Variants in NRCAM observed in about 807,000 individuals in gnomAD.
NRCAM encodes neuronal cell adhesion molecule, also known as NgCAM-related cell adhesion molecule.
A neutral mutation model predicts 156.5 loss-of-function variants in NRCAM; 83 were observed. That is an observed-to-expected ratio of 0.53 (90% CI 0.44 to 0.64). The LOEUF is 0.64. Among genes scored for constraint, NRCAM ranks in the 30% least tolerant of loss-of-function variants. The pLI, the probability that NRCAM is intolerant of heterozygous loss-of-function variation, is 0.00. For synonymous variants in NRCAM, 538 were observed against 563.9 expected, an observed-to-expected ratio of 0.95 and a Z score of 0.65; for missense variants, 1,417 against 1,597.3, an observed-to-expected ratio of 0.89 and a Z score of 1.92.
chr7:108,418,883 A>G (rs1175364572), intron 1 of NRCAM, among the ~76,000 whole-genome samples: 1 of 152,216 alleles, frequency 6.6e-6, no homozygotes, highest in Non-Finnish European at 1.5e-5. Context: ...ATCATGCCAC[A>G]TAAATATTCT....
At chr7:108,206,488 G>T (rs2081223427) in intron 13 of NRCAM, among the ~76,000 whole-genome samples, 1 of 152,136 alleles carries the variant, frequency 6.6e-6, no homozygotes, top group Non-Finnish European at 1.5e-5. Context: ...GTGAACCTAA[G>T]GCTGGGTTTG....
chr7:108,313,513 C>T (rs1347292577), intron 2 of NRCAM, among the ~76,000 whole-genome samples: 1 of 152,268 alleles, frequency 6.6e-6, no homozygotes, highest in East Asian at 1.9e-4. Flanking sequence ...AGTGTCAATT[C>T]AGGAACTCTG....
chr7:108,294,193 G>GTTT lies in NRCAM; in HGVS notation c.-107+18469_-107+18471dup, dbSNP rs56717039. On this transcript the variant is annotated intron_variant, in intron 3 of 32. Transcript: ENST00000379028. ...GGAAAAGCCAGCACTTTCTTTACTG[G>GTTT]TTTTTTTTTTTTTTTTTTTTTTTTT... 3.4e-3 allele frequency among the ~76,000 whole-genome samples: 300 copies of GTTT among 87,956 alleles called. 18 individuals are homozygous for GTTT. The East Asian group carries it at 0.07, about 20-fold the overall frequency. The allele number at this position is 87,956 out of a possible 152,430, so 57.7% of individuals were successfully genotyped here. A position where few individuals can be genotyped will look rare whatever the true frequency, so the allele number is the denominator to read the frequency against.
intron 3 of NRCAM, among the ~76,000 whole-genome samples, chr7:108,241,715 A>C (rs367629112): frequency 3.3e-5 from 5 of 152,116 alleles, no homozygotes; most frequent in East Asian, 3.8e-4. Context: ...GAAAGAAAAG[A>C]CTTTACAATC....
chr7:108,224,785 C>G (rs55643449), intron 10 of NRCAM, among the ~76,000 whole-genome samples: 37,087 of 151,862 alleles, frequency 0.24, 4,750 homozygotes, highest in Non-Finnish European at 0.28. Context: ...GAGATTGTAG[C>G]GGGGAAACTT....
intron 2 of NRCAM, among the ~76,000 whole-genome samples, chr7:108,386,331 T>C (rs2099740810): frequency 6.6e-6 from 1 of 152,174 alleles, no homozygotes; most frequent in Non-Finnish European, 1.5e-5. Context: ...CCTTTTATCT[T>C]CCAACACTGA....
Position 108,414,874 on chromosome 7 carries a change from AAGG to A in NRCAM, c.-331-15284_-331-15282del, listed in dbSNP as rs1799596741. Among the ~76,000 whole-genome samples the A allele has an allele frequency of 2.0e-5, 3 of 152,204 alleles. No individual in the cohort carries two copies. In the South Asian group the frequency reaches 6.2e-4, roughly 32 times the overall value. ...GCACAACCACAACAGTGGGCGTGGTAAGGAGAAGCAGGGAGAGCCTGAAGGACA... is the reference window on the plus strand; with the variant it reads ...GCACAACCACAACAGTGGGCGTGGTAAGAAGCAGGGAGAGCCTGAAGGACA... On this transcript the variant is annotated intron_variant, in intron 1 of 32. Coordinates refer to ENST00000379028, the MANE Select transcript of NRCAM (RefSeq NM_001037132.4).
chr7:108,398,831 C>A (rs1251202648), intron 2 of NRCAM, among the ~76,000 whole-genome samples: 1 of 152,112 alleles, frequency 6.6e-6, no homozygotes. Flanking sequence ...GCAGATATTC[C>A]TTGAAGGCAA....
At position 108,237,751 on chromosome 7, in the gene NRCAM, C is replaced by A. The variant is rs774313502; in HGVS notation, c.124+1G>T. ...CTAGTAATTTATAGAAGGACACTTA[C>A]AGTCTTCAAGAAGTTTTGCTTTTTC... On this transcript the variant is annotated splice_donor_variant, in intron 5 of 32. Coordinates refer to ENST00000379028, the MANE Select transcript of NRCAM (RefSeq NM_001037132.4). LOFTEE classifies it high-confidence loss of function. 1.9e-6 allele frequency: 3 copies of A among 1,592,558 alleles called. No individual in the cohort carries two copies. Among genetic ancestry groups the A allele is most frequent in the Non-Finnish European group, 2.6e-6 (3 of 1,170,496 alleles).
intron 3 of NRCAM, among the ~76,000 whole-genome samples, chr7:108,250,830 A>C (rs1397670717): frequency 6.6e-6 from 1 of 152,208 alleles, no homozygotes; most frequent in Non-Finnish European, 1.5e-5. Flanking sequence ...TGTGATTATT[A>C]CGCATTGGAT....
chr7:108,291,433 G>A (rs2098285647), intron 3 of NRCAM, among the ~76,000 whole-genome samples: 1 of 152,176 alleles, frequency 6.6e-6, no homozygotes, highest in Non-Finnish European at 1.5e-5. Flanking sequence ...TTAATACAGT[G>A]TAATGACTGG....
At chr7:108,158,038 G>A (rs2046592450) in intron 32 of NRCAM, among the ~76,000 whole-genome samples, 1 of 152,078 alleles carries the variant, frequency 6.6e-6, no homozygotes, top group African/African-American at 2.4e-5. Flanking sequence ...CTGCTTTACA[G>A]GAGAAACATG....
chr7:108,321,211 G>A (rs1271412745), intron 2 of NRCAM, among the ~76,000 whole-genome samples: 6 of 152,176 alleles, frequency 3.9e-5, no homozygotes, highest in East Asian at 1.9e-4. Context: ...ACGTTCCCAA[G>A]GATGCTTTAG....
Position 108,184,496 on chromosome 7 carries a change from G to A in NRCAM, c.2154C>T (p.Ser718=). ...TGCTGTTCACTGCCATCACGCGGAA[G>A]GAGTAGTTCACGTAAGGAGACAGCT... ...QLKLSPYVNY[S]FRVMAVNSIG... The change falls in exon 21 of 33, where the codon TCC becomes TCT. Residue 718 remains serine (S), a synonymous_variant. Transcript: ENST00000379028. The A allele has an allele frequency of 1.2e-6, 2 of 1,614,204 alleles. No individual in the cohort carries two copies. The highest frequency in any genetic ancestry group is 1.1e-5 in the South Asian group (1 of 91,086).
At chr7:108,399,171 T>TGTGTG (rs1554605530) in intron 2 of NRCAM, among the ~76,000 whole-genome samples, 2 of 150,152 alleles carry the variant, frequency 1.3e-5, no homozygotes. Flanking sequence ...GTGTGTGTGT[T>TGTGTG]TGTGTGTGTG....
At chr7:108,324,472 CA>C (rs1025440247) in intron 2 of NRCAM, among the ~76,000 whole-genome samples, 4 of 152,158 alleles carry the variant, frequency 2.6e-5, no homozygotes, top group Admixed American at 2.6e-4. Flanking sequence ...AGGGTTCAAA[CA>C]GGCCAAATTT....
rs748731742 is a variant in NRCAM, at chr7:108,191,302, T to A, written c.1904-19A>T. On this transcript the variant is annotated intron_variant, in intron 18 of 32. Transcript: ENST00000379028. ...GTAGGAGCTAGAAAGGACATTAATATAAAGGATTTTAATCAAAATTAGTAA... is the reference window on the plus strand; with the variant it reads ...GTAGGAGCTAGAAAGGACATTAATAAAAAGGATTTTAATCAAAATTAGTAA... 3 of 1,574,732 alleles carry A rather than the reference T, an allele frequency of 1.9e-6. No homozygotes were observed. The highest frequency in any genetic ancestry group is 1.7e-6 in the Non-Finnish European group (2 of 1,154,040).
chr7:108,416,207 C>T (rs1300806977), intron 1 of NRCAM, among the ~76,000 whole-genome samples: 1 of 152,198 alleles, frequency 6.6e-6, no homozygotes, highest in Non-Finnish European at 1.5e-5. Context: ...TTGAATGCTG[C>T]ATTTGCTTTA....
At position 108,209,578 on chromosome 7, in the gene NRCAM, C is replaced by T; in HGVS notation, c.918G>A (p.Lys306=). 6.2e-7 allele frequency: 1 copy of T among 1,609,054 alleles called. No individual in the cohort carries two copies. Among genetic ancestry groups the T allele is most frequent in the Non-Finnish European group, 8.5e-7 (1 of 1,178,414 alleles). ...TGTTTTTGGGTAGCATTCCATCTTCCTTTGCCCAGTAAATAATTGGGGTAG... is the reference window on the plus strand; with the variant it reads ...TGTTTTTGGGTAGCATTCCATCTTCTTTTGCCCAGTAAATAATTGGGGTAG... The part of the protein sequence containing the change: ...GLPTPIIYWA[K]EDGMLPKNRT... Residue 306 remains lysine (K), a synonymous_variant, in exon 12 of 33, where the codon AAG becomes AAA. Transcript: ENST00000379028.
Sources: gnomAD v4.1 joint callset for allele counts (sites outside exome capture counted in the v4.1 genomes callset) on GRCh38, gnomAD v4.1.1 for gene constraint, MANE v1.5 for transcripts, NCBI Gene and HGNC (gene_info 2026-07-23, HGNC 2026-07-21) for gene names.